DKK2: variants seen among roughly 807,000 people sequenced by gnomAD.
The protein encoded by DKK2 is dickkopf-related protein 2.
DKK2 carries 11 observed loss-of-function variants against 28.1 expected under a neutral mutation model. That is an observed-to-expected ratio of 0.39 (90% CI 0.25 to 0.65). DKK2 has a LOEUF of 0.65. Among genes scored for constraint, DKK2 ranks in the 30% least tolerant of loss-of-function variants. DKK2 has a pLI of 0.47. For missense variants in DKK2, 326 were observed against 335.5 expected, an observed-to-expected ratio of 0.97 and a Z score of 0.22; for synonymous variants, 135 against 126.5, an observed-to-expected ratio of 1.07 and a Z score of -0.45.
At chr4:107,026,756 G>A (rs1298368598) in intron 1 of DKK2, among the ~76,000 whole-genome samples, 1 of 152,136 alleles carries the variant, frequency 6.6e-6, no homozygotes, top group Non-Finnish European at 1.5e-5. Flanking sequence ...CAGAAAATAT[G>A]AGGTTAACAG....
intron 1 of DKK2, among the ~76,000 whole-genome samples, chr4:107,027,505 C>T (rs1237878916): frequency 6.6e-6 from 1 of 151,588 alleles, no homozygotes; most frequent in African/African-American, 2.4e-5. Flanking sequence ...AATGAATTCC[C>T]AGTTTCTGAG....
chr4:106,934,355 C>G (rs1015264396), intron 1 of DKK2, among the ~76,000 whole-genome samples: 1 of 152,104 alleles, frequency 6.6e-6, no homozygotes, highest in Non-Finnish European at 1.5e-5. Context: ...TGGTTTCATA[C>G]TAAGAGAGCT....
intron 1 of DKK2, among the ~76,000 whole-genome samples, chr4:107,020,178 T>C (rs983529584): frequency 7.2e-5 from 11 of 152,120 alleles, no homozygotes; most frequent in African/African-American, 2.2e-4. Flanking sequence ...CAGTACACAC[T>C]TCAATTCAAT....
At chr4:107,034,696 G>A (rs1723935030) in intron 1 of DKK2, among the ~76,000 whole-genome samples, 1 of 152,146 alleles carries the variant, frequency 6.6e-6, no homozygotes, top group Non-Finnish European at 1.5e-5. Flanking sequence ...AGAAATGCGC[G>A]TCTACTGGAG....
intron 1 of DKK2, among the ~76,000 whole-genome samples, chr4:106,981,064 C>A (rs956050920): frequency 6.6e-6 from 1 of 151,960 alleles, no homozygotes; most frequent in Non-Finnish European, 1.5e-5. Flanking sequence ...GATAATTTTG[C>A]CCACGTGTCA....
At chr4:106,961,599 A>C (rs1236065934) in intron 1 of DKK2, among the ~76,000 whole-genome samples, 1 of 150,982 alleles carries the variant, frequency 6.6e-6, no homozygotes, top group East Asian at 1.9e-4. Context: ...ACACACACAC[A>C]GTCTGGTAAA....
chr4:106,987,220 G>C (rs899111852), intron 1 of DKK2, among the ~76,000 whole-genome samples: 2 of 152,084 alleles, frequency 1.3e-5, no homozygotes, highest in Admixed American at 6.6e-5. Context: ...TATAAAATAT[G>C]ATCTTTGAGA....
rs1229918277 is a variant in DKK2 at position 107,035,851 on chromosome 4, A to G, written c.-260T>C. 3.8e-6 allele frequency: 2 copies of G among 530,780 alleles called. No homozygotes were observed. Among genetic ancestry groups the G allele is most frequent in the Non-Finnish European group, 6.8e-6 (2 of 295,488 alleles). 32.9% of individuals were successfully genotyped at this position (530,780 alleles called of 1,614,324 possible). A position where few individuals can be genotyped will look rare whatever the true frequency, so the allele number is the denominator to read the frequency against. ...CAATAACTGGAAGCAATCAAATGCG[A>G]GGCGCTTTCTCGCCAAGGAGGCGTG... On this transcript the variant is annotated 5_prime_UTR_variant, in exon 1 of 4. Transcript: ENST00000285311.
chr4:106,969,575 C>T (rs962149526), intron 1 of DKK2, among the ~76,000 whole-genome samples: 2 of 151,960 alleles, frequency 1.3e-5, no homozygotes, highest in South Asian at 2.1e-4. Flanking sequence ...ATTCTTTTCC[C>T]CTGACATATT....
At chr4:106,957,223 G>C (rs1427845082) in intron 1 of DKK2, among the ~76,000 whole-genome samples, 1 of 151,584 alleles carries the variant, frequency 6.6e-6, no homozygotes, top group Non-Finnish European at 1.5e-5. Flanking sequence ...ACACCAGTTA[G>C]AATGGCAATC....
At chr4:107,019,964 G>A (rs565817325) in intron 1 of DKK2, among the ~76,000 whole-genome samples, 4 of 151,946 alleles carry the variant, frequency 2.6e-5, no homozygotes, top group Admixed American at 2.6e-4. Flanking sequence ...CACCATTAGA[G>A]CATATTCTTT....
At position 107,035,855 on chromosome 4, in the gene DKK2, G is replaced by C. The variant is rs927414292; in HGVS notation, c.-264C>G. 16 of 519,780 alleles carry C rather than the reference G, an allele frequency of 3.1e-5. No homozygotes were observed. Among genetic ancestry groups the C allele is most frequent in the African/African-American group, 2.5e-4 (13 of 52,268 alleles). The allele number at this position is 519,780 out of a possible 1,614,324, so 32.2% of individuals were successfully genotyped here. On this transcript the variant is annotated 5_prime_UTR_variant, in exon 1 of 4. Coordinates refer to ENST00000285311, the MANE Select transcript of DKK2 (RefSeq NM_014421.3). Reference sequence around the variant, plus strand: ...AACTGGAAGCAATCAAATGCGAGGCGCTTTCTCGCCAAGGAGGCGTGACCC... The same window carrying C: ...AACTGGAAGCAATCAAATGCGAGGCCCTTTCTCGCCAAGGAGGCGTGACCC...
At chr4:107,012,859 G>T (rs1723535886) in intron 1 of DKK2, among the ~76,000 whole-genome samples, 1 of 150,782 alleles carries the variant, frequency 6.6e-6, no homozygotes, top group Non-Finnish European at 1.5e-5. Context: ...CTGAATGGAA[G>T]GTCCCCAAGT....
intron 1 of DKK2, among the ~76,000 whole-genome samples, chr4:107,028,293 A>G (rs1723823196): frequency 6.6e-6 from 1 of 152,140 alleles, no homozygotes; most frequent in Admixed American, 6.5e-5. Context: ...TCCTTCTTGT[A>G]CATCATATGC....
chr4:106,983,702 C>T (rs954160915), intron 1 of DKK2, among the ~76,000 whole-genome samples: 1 of 152,136 alleles, frequency 6.6e-6, no homozygotes, highest in Admixed American at 6.6e-5. Flanking sequence ...TGTTTCCAAA[C>T]CACATATCTG....
At chr4:106,984,890 A>G (rs1290932496) in intron 1 of DKK2, among the ~76,000 whole-genome samples, 3 of 152,220 alleles carry the variant, frequency 2.0e-5, no homozygotes, top group Non-Finnish European at 4.4e-5. Context: ...CAGAGAAATT[A>G]TGAGTGATAA....
intron 1 of DKK2, among the ~76,000 whole-genome samples, chr4:106,995,857 C>T (rs1017105701): frequency 6.6e-6 from 1 of 152,154 alleles, no homozygotes; most frequent in Admixed American, 6.5e-5. Context: ...GTGATCCACC[C>T]GCTTCTGCCT....
At chr4:106,997,935 T>C (rs1230568557) in intron 1 of DKK2, among the ~76,000 whole-genome samples, 5 of 152,218 alleles carry the variant, frequency 3.3e-5, no homozygotes, top group Non-Finnish European at 7.3e-5. Context: ...TACCTAACTA[T>C]TGTTCTCTTC....
rs1212362498 is a variant in DKK2, at chr4:106,924,302, A to G, written c.530-98T>C. On this transcript the variant is annotated intron_variant, in intron 3 of 3. Transcript: ENST00000285311. Reference sequence around the variant, plus strand: ...CACATAAAATATTTTTACTTATACTATCTTCTATGTTGTTACCATTTATAA... The same window carrying G: ...CACATAAAATATTTTTACTTATACTGTCTTCTATGTTGTTACCATTTATAA... 2.0e-5 allele frequency: 29 copies of G among 1,455,606 alleles called. 1 individual carries two copies. In the South Asian group the frequency reaches 2.5e-4, roughly 13 times the overall value. The allele number at this position is 1,455,606 out of a possible 1,614,324, so 90.2% of individuals were successfully genotyped here.
Sources: gnomAD v4.1 joint callset for allele counts (sites outside exome capture counted in the v4.1 genomes callset) on GRCh38, gnomAD v4.1.1 for gene constraint, MANE v1.5 for transcripts, NCBI Gene and HGNC (gene_info 2026-07-23, HGNC 2026-07-21) for gene names.